RALGAPA2: variants seen among roughly 807,000 people sequenced by gnomAD.
The protein encoded by RALGAPA2 is Ral GTPase activating protein catalytic subunit alpha 2.
In RALGAPA2, 139 loss-of-function variants were observed where a neutral mutation model predicts 230.4. That is an observed-to-expected ratio of 0.60 (90% confidence interval 0.53 to 0.69). The LOEUF (loss-of-function observed/expected upper bound fraction) is 0.69, where lower values mean the gene tolerates loss of function less well. Among genes scored for constraint, RALGAPA2 ranks in the 30% least tolerant of loss-of-function variants. RALGAPA2 has a pLI of 0.00. For missense variants in RALGAPA2, 2,163 were observed against 2,276.0 expected (o/e 0.95, Z 1.01); for synonymous variants, 847 against 837.8 (o/e 1.01, Z -0.19).
At chr20:20,479,273 T>G (rs1275588194) in intron 36 of RALGAPA2, among the ~76,000 whole-genome samples, 2 of 152,210 alleles carry the variant, frequency 1.3e-5, no homozygotes, top group Non-Finnish European at 2.9e-5. Context: ...AACTATTATT[T>G]TGGAGAAACT....
chr20:20,544,569 A>G (rs1411749345), intron 24 of RALGAPA2, among the ~76,000 whole-genome samples: 1 of 152,314 alleles, frequency 6.6e-6, no homozygotes, highest in Middle Eastern at 3.4e-3. Flanking sequence ...ACACATGCAC[A>G]TGTATGTTTA....
chr20:20,579,747 G>A (rs539263852), intron 20 of RALGAPA2, among the ~76,000 whole-genome samples: 74 of 152,230 alleles, frequency 4.9e-4, no homozygotes, highest in African/African-American at 1.7e-3. Flanking sequence ...TGGACATGGC[G>A]TGAGGTAGGA....
chr20:20,444,477 G>T lies in RALGAPA2; in HGVS notation c.5495+28352C>A, dbSNP rs146108155. Reference sequence around the variant, plus strand: ...ACACACGCACAGACACACACACACAGTACACAGAAGTATAAAGCTCAATGA... The same window carrying T: ...ACACACGCACAGACACACACACACATTACACAGAAGTATAAAGCTCAATGA... On this transcript the variant is annotated intron_variant, in intron 37 of 39. Transcript: ENST00000202677. Among the ~76,000 whole-genome samples the T allele has an allele frequency of 1.1e-3, 169 of 152,042 alleles. 2 individuals carry two copies. In the East Asian group the frequency reaches 0.028, roughly 25 times the overall value.
intron 36 of RALGAPA2, among the ~76,000 whole-genome samples, chr20:20,475,324 G>C (rs983605568): frequency 2.0e-5 from 3 of 151,900 alleles, no homozygotes; most frequent in Non-Finnish European, 2.9e-5. Flanking sequence ...TAATTTTTTT[G>C]TAAATTAAAC....
chr20:20,513,065 G>T lies in RALGAPA2; in HGVS notation c.4304C>A (p.Thr1435Asn), dbSNP rs780021723. The change falls in exon 32 of 40, where the codon ACC (threonine) becomes AAC (asparagine). Residue 1435 changes from threonine (T) to asparagine (N), a missense_variant. By Grantham distance (65) the Thr-to-Asn change is moderately conservative. Coordinates refer to ENST00000202677, the MANE Select transcript of RALGAPA2 (RefSeq NM_020343.4). ...NLQLFVFNDS[T>N]LISYLQTPTE... ...GGGTGTCTGAAGGTAGGAGATGAGG[G>T]TGCTATCATTAAATACAAACAGCTG... 79 of 1,609,684 alleles carry T rather than the reference G, an allele frequency of 4.9e-5. No individual in the cohort carries two copies. Among genetic ancestry groups the T allele is most frequent in the Non-Finnish European group, 6.5e-5 (77 of 1,178,358 alleles).
intron 37 of RALGAPA2, among the ~76,000 whole-genome samples, chr20:20,458,236 T>G (rs1010196512): frequency 1.3e-5 from 2 of 151,878 alleles, no homozygotes; most frequent in Non-Finnish European, 2.9e-5. Context: ...AATGTTGCCT[T>G]CAGCATGGGA....
At chr20:20,401,208 A>G (rs1037513387) in intron 38 of RALGAPA2, among the ~76,000 whole-genome samples, 1 of 152,236 alleles carries the variant, frequency 6.6e-6, no homozygotes, top group Admixed American at 6.5e-5. Context: ...TGGTTTTTAA[A>G]ATGGCAAAAT....
intron 4 of RALGAPA2, among the ~76,000 whole-genome samples, chr20:20,653,195 C>CAAAAAAAAAAAAAAAAAAAAAAAAAA: frequency 3.6e-5 from 1 of 27,512 alleles, no homozygotes; most frequent in Non-Finnish European, 7.7e-5. Context: ...GACTCCATCT[C>CAAAAAAAAAAAAAAAAAAAAAAAAAA]AAAAAAAAAA....
chr20:20,396,190 C>T (rs895319488), intron 39 of RALGAPA2, among the ~76,000 whole-genome samples: 82 of 152,352 alleles, frequency 5.4e-4, no homozygotes, highest in African/African-American at 1.6e-3. Flanking sequence ...TCTGCGCTCC[C>T]GCAGCTTTTG....
In RALGAPA2 at chr20:20,523,417, G is replaced by A. The variant is rs190527989; in HGVS notation, c.3900+989C>T. ...TCTTAAGATTTTTTTGAGGCAAAAC[G>A]ATTATTAAGACCATTAAACCTTTTT... is the stretch of plus-strand genomic sequence containing the variant. On this transcript the variant is annotated intron_variant, in intron 30 of 39. Transcript: ENST00000202677. Among the ~76,000 whole-genome samples the A allele has an allele frequency of 4.9e-3, 750 of 152,250 alleles. 5 individuals are homozygous for A. The highest frequency in any genetic ancestry group is 0.017 in the African/African-American group (714 of 41,566).
chr20:20,665,961 C>G (rs1054611544), intron 3 of RALGAPA2, among the ~76,000 whole-genome samples: 18 of 152,216 alleles, frequency 1.2e-4, no homozygotes, highest in African/African-American at 4.1e-4. Flanking sequence ...GCAGAGCAGT[C>G]TCAAGGCAAG....
chr20:20,691,921 G>T (rs756778640), intron 1 of RALGAPA2, among the ~76,000 whole-genome samples: 5 of 152,130 alleles, frequency 3.3e-5, no homozygotes, highest in Non-Finnish European at 7.4e-5. Context: ...GAACATCCTG[G>T]TGCTGTCCTT....
At chr20:20,533,503 T>C (rs1181415561) in intron 26 of RALGAPA2, among the ~76,000 whole-genome samples, 1 of 152,088 alleles carries the variant, frequency 6.6e-6, no homozygotes, top group Non-Finnish European at 1.5e-5. Flanking sequence ...AAGCAAAATT[T>C]GACAGTATAT....
chr20:20,409,090 G>A (rs1602284321), intron 38 of RALGAPA2, among the ~76,000 whole-genome samples: 2 of 151,300 alleles, frequency 1.3e-5, no homozygotes, highest in African/African-American at 2.4e-5. Flanking sequence ...CTGAACGCAA[G>A]CCTGTTCACC....
chr20:20,663,948 A>G (rs1006486918), intron 3 of RALGAPA2, among the ~76,000 whole-genome samples: 7 of 152,178 alleles, frequency 4.6e-5, no homozygotes, highest in African/African-American at 1.4e-4. Context: ...GTGATACCAC[A>G]ACAGTTTATC....
intron 23 of RALGAPA2, among the ~76,000 whole-genome samples, chr20:20,566,146 C>T (rs977686002): frequency 9.2e-5 from 14 of 152,172 alleles, no homozygotes; most frequent in Non-Finnish European, 1.9e-4. Flanking sequence ...CTGCTGCCCA[C>T]CACTCCCCAC....
At chr20:20,662,645 A>G (rs144161040) in intron 3 of RALGAPA2, among the ~76,000 whole-genome samples, 1 of 152,338 alleles carries the variant, frequency 6.6e-6, no homozygotes, top group African/African-American at 2.4e-5. Context: ...TTAATCAAAC[A>G]TTTATTTAAT....
Position 20,391,497 on chromosome 20 carries a change from A to C in RALGAPA2, c.*1792T>G, listed in dbSNP as rs991973144. On this transcript the variant is annotated 3_prime_UTR_variant, in exon 40 of 40. Transcript: ENST00000202677. ...GGGCCTGGCCTGCAATCCCCTATAA[A>C]GCAGAAAAGCAAATTCTCGCCAGGA... 6.6e-6 allele frequency: 1 copy of C among 152,206 alleles called. No homozygotes were observed. Among genetic ancestry groups the C allele is most frequent in the African/African-American group, 2.4e-5 (1 of 41,434 alleles). 9.4% of individuals were successfully genotyped at this position (152,206 alleles called of 1,614,324 possible). A position where few individuals can be genotyped will look rare whatever the true frequency, so the allele number is the denominator to read the frequency against.
At chr20:20,541,528 T>C in intron 24 of RALGAPA2, among the ~76,000 whole-genome samples, 1 of 152,000 alleles carries the variant, frequency 6.6e-6, no homozygotes, top group East Asian at 1.9e-4. Context: ...GGCCACTAAG[T>C]GACTAATGGC....
Sources: allele counts gnomAD v4.1 joint callset (sites outside exome capture counted in the v4.1 genomes callset), GRCh38; gene constraint gnomAD v4.1.1; transcripts MANE v1.5; gene names NCBI Gene and HGNC (gene_info 2026-07-23, HGNC 2026-07-21).